ZBTB21: variants seen among roughly 807,000 people sequenced by gnomAD.
ZBTB21 encodes zinc finger and BTB domain containing 21.
Under a neutral mutation model 39.8 loss-of-function variants are expected in ZBTB21, and 10 were observed. That is an observed-to-expected ratio of 0.25 (90% confidence interval 0.16 to 0.43). The LOEUF (loss-of-function observed/expected upper bound fraction) is 0.43, where lower values mean the gene tolerates loss of function less well. ZBTB21 is among the 20% of genes least tolerant of loss of function. The pLI is 1.00. For missense variants in ZBTB21, 1,221 were observed against 1,296.3 expected, an observed-to-expected ratio of 0.94 and a Z score of 0.89; for synonymous variants, 551 against 498.8, an observed-to-expected ratio of 1.10 and a Z score of -1.40.
In ZBTB21 at chr21:41,997,583, A is replaced by C. The variant is rs1399223571; in HGVS notation, c.-13-3475T>G. ...AGAGCAAGACGTTGTCTCAAAAAAA[A>C]AAAAAACAAAAAAACAAAAAAACAA... On this transcript the variant is annotated intron_variant, in intron 2 of 2. Transcript: ENST00000310826. 4.4e-3 allele frequency among the ~76,000 whole-genome samples: 591 copies of C among 133,600 alleles called. 5 individuals are homozygous for C. The highest frequency in any genetic ancestry group is 0.014 in the African/African-American group (481 of 35,098). 87.6% of individuals were successfully genotyped at this position (133,600 alleles called of 152,430 possible).
Position 41,991,582 on chromosome 21 carries a change from G to T in ZBTB21, c.2514C>A (p.Ile838=). The T allele has an allele frequency of 6.2e-7, 1 of 1,614,192 alleles. No homozygotes were observed. Among genetic ancestry groups the T allele is most frequent in the Non-Finnish European group, 8.5e-7 (1 of 1,180,052 alleles). ...ACACGTTGTCGTCTTTTGTGGTGAC[G>T]ATGTGGTTTACTTTGTTGGGCTCAG... ...SQPEPNKVNH[I]VTTKDDNVFS... is the part of the protein sequence containing the mutation. Residue 838 remains isoleucine, a synonymous_variant, in exon 3 of 3, where the codon ATC becomes ATA. Transcript: ENST00000310826. This position sits in a 1 kb window ranked among gnomAD's most constrained non-coding sequence, Gnocchi z 4.9.
chr21:41,991,641 C>T lies in ZBTB21; in HGVS notation c.2455G>A (p.Asp819Asn), dbSNP rs770744034. Reference sequence around the variant, plus strand: ...TGGGGCCTTGAAGAACCAGTCACATCACCATTGTGGTCCAAAACGGGCAAA... The same window carrying T: ...TGGGGCCTTGAAGAACCAGTCACATTACCATTGTGGTCCAAAACGGGCAAA... ...FSLPVLDHNG[D>N]VTGSSRPQSQ... Residue 819 changes from aspartate (D) to asparagine (N), a missense_variant, in exon 3 of 3, where the codon GAT (aspartate) becomes AAT (asparagine). By Grantham distance (23) the Asp-to-Asn change is conservative (BLOSUM62 1). Around this residue, in one of 4 missense-constraint regions of ZBTB21, gnomAD observed 523 missense variants for 542.5 expected, o/e 0.96. Transcript: ENST00000310826. The surrounding 1 kb of genome is among the most constrained non-coding windows in gnomAD (Gnocchi z 4.9). The T allele has an allele frequency of 6.8e-6, 11 of 1,614,064 alleles. No homozygotes were observed. In the Admixed American group the frequency reaches 1.5e-4, roughly 22 times the overall value.
In ZBTB21 at chr21:41,991,864, G is replaced by A; in HGVS notation, c.2232C>T (p.Cys744=). 1 of 1,614,150 alleles carries A rather than the reference G, an allele frequency of 6.2e-7. No individual in the cohort carries two copies. The change falls in exon 3 of 3, where the codon TGC becomes TGT. Residue 744 remains cysteine, a synonymous_variant. Transcript: ENST00000310826. This position sits in a 1 kb window ranked among gnomAD's most constrained non-coding sequence, Gnocchi z 4.9. ...LLEQGSHERL[C]RNAAVCPYCS... ...AGTAAGGGCAGACGGCCGCGTTCCG[G>A]CACAGCCGCTCGTGGCTTCCTTGCT...
chr21:42,009,881 C>A (rs897952263), intron 1 of ZBTB21, among the ~76,000 whole-genome samples: 16 of 152,174 alleles, frequency 1.1e-4, no homozygotes, highest in Admixed American at 6.5e-5. Flanking sequence ...GCGTTTCAAC[C>A]GCTCCGCGCG....
chr21:41,990,777 G>GT lies in ZBTB21; in HGVS notation c.*117dup, dbSNP rs1324804537. On this transcript the variant is annotated 3_prime_UTR_variant, in exon 3 of 3. Coordinates refer to ENST00000310826, the MANE Select transcript of ZBTB21 (RefSeq NM_001098402.2). ...ATTTGCCTCCAACTTAATTTCAAGC[G>GT]TAACAATCTCCAACCTTTATTATTC... 2.9e-6 allele frequency: 3 copies of GT among 1,032,576 alleles called. No individual in the cohort carries two copies. The African/African-American group carries it at 5.0e-5, about 17-fold the overall frequency. The allele number at this position is 1,032,576 out of a possible 1,614,324, so 64.0% of individuals were successfully genotyped here. A position where few individuals can be genotyped will look rare whatever the true frequency, so the allele number is the denominator to read the frequency against.
In ZBTB21 at chr21:41,989,883, A is replaced by C. The variant is rs2065627934; in HGVS notation, c.*1012T>G. 6.6e-6 allele frequency: 1 copy of C among 152,240 alleles called. No homozygotes were observed. The highest frequency in any genetic ancestry group is 1.5e-5 in the Non-Finnish European group (1 of 68,016). 9.4% of individuals were successfully genotyped at this position (152,240 alleles called of 1,614,324 possible). On this transcript the variant is annotated 3_prime_UTR_variant, in exon 3 of 3. Coordinates refer to ENST00000310826, the MANE Select transcript of ZBTB21 (RefSeq NM_001098402.2). Reference sequence around the variant, plus strand: ...TCTATCTGGAAGTAAATGGTAATTTAGAATTTTACATCAGCTGTGCTAATT... The same window carrying C: ...TCTATCTGGAAGTAAATGGTAATTTCGAATTTTACATCAGCTGTGCTAATT...
Position 41,991,635 on chromosome 21 carries a change from T to A in ZBTB21, c.2461A>T (p.Thr821Ser). Residue 821 changes from threonine to serine, a missense_variant, in exon 3 of 3, where the codon ACT becomes TCT. Around this residue, in one of 4 missense-constraint regions of ZBTB21, gnomAD observed 523 missense variants for 542.5 expected, o/e 0.96. Coordinates refer to ENST00000310826, the MANE Select transcript of ZBTB21 (RefSeq NM_001098402.2). The surrounding 1 kb of genome is among the most constrained non-coding windows in gnomAD (Gnocchi z 4.9). ...TGGGATTGGGGCCTTGAAGAACCAG[T>A]CACATCACCATTGTGGTCCAAAACG... ...LPVLDHNGDVTGSSRPQSQPE... is the reference protein window; with the variant it reads ...LPVLDHNGDVSGSSRPQSQPE... 4 of 1,614,148 alleles carry A rather than the reference T, an allele frequency of 2.5e-6. No individual in the cohort carries two copies. The highest frequency in any genetic ancestry group is 3.4e-6 in the Non-Finnish European group (4 of 1,180,026).
rs1428309057 is a variant in ZBTB21, at chr21:41,991,346, A to G, written c.2750T>C (p.Met917Thr). 3.1e-6 allele frequency: 5 copies of G among 1,606,532 alleles called. No individual in the cohort carries two copies. The highest frequency in any genetic ancestry group is 4.3e-6 in the Non-Finnish European group (5 of 1,176,074). The change falls in exon 3 of 3, where the codon ATG becomes ACG. Residue 917 changes from methionine to threonine, a missense_variant. By Grantham distance (81) the Met-to-Thr change is moderately conservative. This residue lies in a region of ZBTB21 where 523 missense variants were observed against 542.5 expected (regional missense o/e 0.96). Transcript: ENST00000310826. This position sits in a 1 kb window ranked among gnomAD's most constrained non-coding sequence, Gnocchi z 4.9. ...CTCCAGCTGCTTATGCACCGTGAACATCTTCCCACACTTCTCGCAGGGCCA... is the reference window on the plus strand; with the variant it reads ...CTCCAGCTGCTTATGCACCGTGAACGTCTTCCCACACTTCTCGCAGGGCCA... ...SLWPCEKCGK[M>T]FTVHKQLERH...
intron 2 of ZBTB21, among the ~76,000 whole-genome samples, chr21:41,996,848 T>C (rs2065753597): frequency 6.6e-6 from 1 of 152,194 alleles, no homozygotes; most frequent in Non-Finnish European, 1.5e-5. Context: ...CTTGTGATAG[T>C]GAATAAATCT....
intron 1 of ZBTB21, among the ~76,000 whole-genome samples, chr21:42,005,211 C>T (rs1247067267): frequency 6.6e-6 from 1 of 152,224 alleles, no homozygotes; most frequent in Non-Finnish European, 1.5e-5. Context: ...AGCCATTCCA[C>T]CTCCTGTTAA....
intron 1 of ZBTB21, among the ~76,000 whole-genome samples, chr21:42,004,773 C>G (rs149680768): frequency 1.2e-3 from 188 of 152,222 alleles, no homozygotes; most frequent in African/African-American, 4.4e-3. Context: ...AGGCAAATAC[C>G]TAGTTAAAAA....
intron 2 of ZBTB21, among the ~76,000 whole-genome samples, chr21:41,999,611 C>A (rs958946001): frequency 6.6e-6 from 1 of 152,138 alleles, no homozygotes; most frequent in African/African-American, 2.4e-5. Context: ...TTATATAGCA[C>A]CTAACTGTAC....
intron 2 of ZBTB21, among the ~76,000 whole-genome samples, chr21:41,995,814 G>C (rs775169234): frequency 6.6e-6 from 1 of 152,240 alleles, no homozygotes; most frequent in Non-Finnish European, 1.5e-5. Flanking sequence ...GTGCAGCCTA[G>C]GAACTTGGTG....
rs2065696524 is a variant in ZBTB21 at position 41,993,289 on chromosome 21, C to T, written c.807G>A (p.Glu269=). 6.2e-7 allele frequency: 1 copy of T among 1,612,914 alleles called. No individual in the cohort carries two copies. Among genetic ancestry groups the T allele is most frequent in the Non-Finnish European group, 8.5e-7 (1 of 1,180,000 alleles). The change falls in exon 3 of 3, where the codon GAG becomes GAA. Residue 269 remains glutamate (E), a synonymous_variant. Transcript: ENST00000310826. ...SGQLPKGKAL[E]LALKRPRPPV... is the part of the protein sequence containing the mutation. ...GTGGCCGTGGTCTCTTCAAAGCCAGCTCTAGAGCTTTTCCTTTTGGAAGCT... is the reference window on the plus strand; with the variant it reads ...GTGGCCGTGGTCTCTTCAAAGCCAGTTCTAGAGCTTTTCCTTTTGGAAGCT...
In ZBTB21 at chr21:41,993,790, C is replaced by T; in HGVS notation, c.306G>A (p.Val102=). 1 of 1,614,216 alleles carries T rather than the reference C, an allele frequency of 6.2e-7. No individual in the cohort carries two copies. The highest frequency in any genetic ancestry group is 8.5e-7 in the Non-Finnish European group (1 of 1,180,036). ...LFVEKSSLAA[V]QELGYSLGIS... Reference sequence around the variant, plus strand: ...TCCCAAGACTATAGCCAAGTTCTTGCACAGCAGCAAGGCTGCTCTTCTCAA... The same window carrying T: ...TCCCAAGACTATAGCCAAGTTCTTGTACAGCAGCAAGGCTGCTCTTCTCAA... Residue 102 remains valine, a synonymous_variant, in exon 3 of 3, where the codon GTG becomes GTA. Coordinates refer to ENST00000310826, the MANE Select transcript of ZBTB21 (RefSeq NM_001098402.2).
intron 1 of ZBTB21, among the ~76,000 whole-genome samples, chr21:42,005,131 C>T (rs559634319): frequency 6.6e-6 from 1 of 152,220 alleles, no homozygotes; most frequent in Non-Finnish European, 1.5e-5. Flanking sequence ...CAACATAGTT[C>T]AAGCTCCTTT....
At chr21:42,004,766 C>G (rs2065859339) in intron 1 of ZBTB21, among the ~76,000 whole-genome samples, 1 of 152,120 alleles carries the variant, frequency 6.6e-6, no homozygotes, top group East Asian at 1.9e-4. Context: ...TAACACAAGG[C>G]AAATACCTAG....
At position 41,992,159 on chromosome 21, in the gene ZBTB21, A is replaced by G. The variant is rs2065669650; in HGVS notation, c.1937T>C (p.Phe646Ser). The G allele has an allele frequency of 6.2e-7, 1 of 1,614,178 alleles. No homozygotes were observed. Among genetic ancestry groups the G allele is most frequent in the Admixed American group, 1.7e-5 (1 of 60,016 alleles). The change falls in exon 3 of 3, where the codon TTT becomes TCT. Residue 646 changes from phenylalanine (F) to serine (S), a missense_variant. Transcript: ENST00000310826. This position sits in a 1 kb window ranked among gnomAD's most constrained non-coding sequence, Gnocchi z 4.1. ...IIKLRRGKPG[F>S]QGQSSSQAQQ... ...TGCTTGGGAGCTACTCTGTCCCTGAAAACCAGGCTTGCCGCGCCTTAACTT... is the reference window on the plus strand; with the variant it reads ...TGCTTGGGAGCTACTCTGTCCCTGAGAACCAGGCTTGCCGCGCCTTAACTT...
At position 41,991,550 on chromosome 21, in the gene ZBTB21, T is replaced by A. The variant is rs1335871032; in HGVS notation, c.2546A>T (p.Asp849Val). ...GTCGAAGTTAACTTGTTCTGAAGAA[T>A]CACTGAACACGTTGTCGTCTTTTGT... ...VTTKDDNVFS[D>V]SSEQVNFDSE... Residue 849 changes from aspartate to valine, a missense_variant, in exon 3 of 3, where the codon GAT becomes GTT. By Grantham distance (152) the Asp-to-Val change is radical. This residue lies in a region of ZBTB21 where 523 missense variants were observed against 542.5 expected (regional missense o/e 0.96). Coordinates refer to ENST00000310826, the MANE Select transcript of ZBTB21 (RefSeq NM_001098402.2). This position sits in a 1 kb window ranked among gnomAD's most constrained non-coding sequence, Gnocchi z 4.9. 6.2e-7 allele frequency: 1 copy of A among 1,614,234 alleles called. No homozygotes were observed. Among genetic ancestry groups the A allele is most frequent in the Admixed American group, 1.7e-5 (1 of 60,026 alleles).
Sources: allele counts gnomAD v4.1 joint callset (sites outside exome capture counted in the v4.1 genomes callset), GRCh38; gene constraint gnomAD v4.1.1; regional missense constraint gnomAD v4.1.1; non-coding constraint Gnocchi (gnomAD v3.1); transcripts MANE v1.5; gene names NCBI Gene and HGNC (gene_info 2026-07-23, HGNC 2026-07-21).